The following SNX29 variants were observed in gnomAD, a reference collection of about 807,000 sequenced individuals.
SNX29 encodes sorting nexin 29, also known as sorting nexin-29.
In SNX29, 78 loss-of-function variants were observed where a neutral mutation model predicts 102.1. The ratio of observed to expected loss-of-function variants is 0.76; its 90% CI spans 0.64 to 0.92. SNX29 has a LOEUF of 0.92. Ranked by LOEUF, SNX29 falls within the 40% of genes least tolerant of loss-of-function variation. SNX29 has a pLI of 0.00. For synonymous variants in SNX29, 580 were observed against 414.5 expected (o/e 1.40, Z -4.85); for missense variants, 1,280 against 1,061.7 (o/e 1.21, Z -2.86).
intron 14 of SNX29, among the ~76,000 whole-genome samples, chr16:12,253,142 C>T (rs1037431537): frequency 6.6e-6 from 1 of 152,152 alleles, no homozygotes; most frequent in African/African-American, 2.4e-5. Context: ...CAGCATGTGC[C>T]AGGCAAGTGC....
At position 11,979,275 on chromosome 16, in the gene SNX29, CAAAAA is replaced by C. The variant is rs71139569; in HGVS notation, c.7+2482_7+2486del. 3.7e-3 allele frequency among the ~76,000 whole-genome samples: 228 copies of C among 61,992 alleles called. 1 individual carries two copies. The highest frequency in any genetic ancestry group is 0.016 in the African/African-American group (210 of 13,384). 40.7% of individuals were successfully genotyped at this position (61,992 alleles called of 152,430 possible). A position where few individuals can be genotyped will look rare whatever the true frequency, so the allele number is the denominator to read the frequency against. ...GGGCAACAGAGTGAGACTCAGTCTC[CAAAAA>C]AAAAAAAAAAAAAAAAAAATCGTTA... On this transcript the variant is annotated intron_variant, in intron 1 of 20. Coordinates refer to ENST00000566228, the MANE Select transcript of SNX29 (RefSeq NM_032167.5).
At chr16:12,384,120 G>C (rs1229115356) in intron 16 of SNX29, among the ~76,000 whole-genome samples, 1 of 152,174 alleles carries the variant, frequency 6.6e-6, no homozygotes, top group African/African-American at 2.4e-5. Context: ...CCATTCATCT[G>C]TTGGTGGACA....
chr16:12,274,540 C>T lies in SNX29; in HGVS notation c.1679-3393C>T, dbSNP rs552313861. Among the ~76,000 whole-genome samples the T allele has an allele frequency of 2.5e-3, 366 of 143,854 alleles. 4 individuals carry two copies. The highest frequency in any genetic ancestry group is 8.5e-3 in the African/African-American group (337 of 39,548). The allele number at this position is 143,854 out of a possible 152,430, so 94.4% of individuals were successfully genotyped here. A position where few individuals can be genotyped will look rare whatever the true frequency, so the allele number is the denominator to read the frequency against. ...TTGTAGTTCTCTATTCTCCCCACCTCTTTTTTTTTTTTTTGAGACAGAGTC... is the reference window on the plus strand; with the variant it reads ...TTGTAGTTCTCTATTCTCCCCACCTTTTTTTTTTTTTTTTGAGACAGAGTC... On this transcript the variant is annotated intron_variant, in intron 14 of 20. Transcript: ENST00000566228.
intron 3 of SNX29, among the ~76,000 whole-genome samples, chr16:12,022,185 A>G (rs1236210751): frequency 7.0e-6 from 1 of 141,906 alleles, no homozygotes; most frequent in Non-Finnish European, 1.5e-5. Context: ...TTTTTTTTCA[A>G]TTCAGTGATT....
At chr16:12,148,325 C>T (rs1448840339) in intron 13 of SNX29, among the ~76,000 whole-genome samples, 1 of 152,146 alleles carries the variant, frequency 6.6e-6, no homozygotes, top group Non-Finnish European at 1.5e-5. Context: ...GATAGGCTTG[C>T]CTTTGAGCAC....
intron 8 of SNX29, among the ~76,000 whole-genome samples, chr16:12,058,694 A>G (rs1057384271): frequency 6.7e-6 from 1 of 148,484 alleles, no homozygotes; most frequent in Non-Finnish European, 1.5e-5. Flanking sequence ...GGGTTTCACC[A>G]TGTTGGCCAG....
chr16:12,512,790 T>C (rs1313576485), intron 19 of SNX29, among the ~76,000 whole-genome samples: 1 of 152,154 alleles, frequency 6.6e-6, no homozygotes, highest in Non-Finnish European at 1.5e-5. Context: ...AAGAGATGTC[T>C]GCTTAGATGG....
intron 13 of SNX29, among the ~76,000 whole-genome samples, chr16:12,187,199 C>T (rs947823418): frequency 2.7e-4 from 41 of 152,208 alleles, no homozygotes; most frequent in African/African-American, 8.2e-4. Context: ...TGCCCCTGTG[C>T]ATGTCCCCTG....
chr16:12,393,539 A>G (rs184158254), intron 16 of SNX29, among the ~76,000 whole-genome samples: 12 of 151,602 alleles, frequency 7.9e-5, no homozygotes, highest in African/African-American at 2.2e-4. Context: ...CTGAGCTCAC[A>G]AGGAGGGTTC....
At chr16:12,318,668 A>G (rs1455532613) in intron 15 of SNX29, among the ~76,000 whole-genome samples, 1 of 152,112 alleles carries the variant, frequency 6.6e-6, no homozygotes, top group Non-Finnish European at 1.5e-5. Flanking sequence ...CTTATGGCCC[A>G]ATAACAAGAT....
At chr16:12,028,824 A>G (rs371525447) in intron 4 of SNX29, among the ~76,000 whole-genome samples, 4 of 151,034 alleles carry the variant, frequency 2.6e-5, no homozygotes, top group Admixed American at 1.3e-4. Context: ...TCTTGGCTCA[A>G]TGCAACCTCC....
chr16:12,531,953 C>T (rs1014897274), intron 20 of SNX29, among the ~76,000 whole-genome samples: 3 of 152,176 alleles, frequency 2.0e-5, no homozygotes, highest in African/African-American at 7.2e-5. Flanking sequence ...TTATAACCGT[C>T]CTGCTGAAAA....
intron 20 of SNX29, among the ~76,000 whole-genome samples, chr16:12,542,067 C>T (rs1036743552): frequency 2.0e-5 from 3 of 151,860 alleles, no homozygotes; most frequent in Non-Finnish European, 4.4e-5. Flanking sequence ...TCCTAGTCAC[C>T]AGTTAGTCCA....
intron 20 of SNX29, among the ~76,000 whole-genome samples, chr16:12,559,560 T>C (rs2078593315): frequency 1.3e-5 from 2 of 151,946 alleles, no homozygotes; most frequent in South Asian, 4.2e-4. Context: ...GTGGAAAATT[T>C]TTCTTATACA....
chr16:12,365,326 T>TTGTGTGTGTGTGTGTGTGTG (rs58869867), intron 16 of SNX29, among the ~76,000 whole-genome samples: 4 of 139,774 alleles, frequency 2.9e-5, no homozygotes, highest in Non-Finnish European at 4.6e-5. Context: ...ACATCAGGAT[T>TTGTGTGTGTGTGTGTGTGTG]TGTGTGTGTG....
intron 20 of SNX29, among the ~76,000 whole-genome samples, chr16:12,530,099 C>A (rs561653610): frequency 1.3e-5 from 2 of 152,358 alleles, no homozygotes; most frequent in Admixed American, 6.5e-5. Context: ...TTCCCCTTGG[C>A]CTGCTCTGCT....
intron 19 of SNX29, among the ~76,000 whole-genome samples, chr16:12,498,168 C>T (rs964598929): frequency 4.6e-5 from 7 of 152,138 alleles, no homozygotes; most frequent in Non-Finnish European, 8.8e-5. Context: ...GAGGAAACAG[C>T]ACTTCTGAGA....
At chr16:12,427,115 G>T (rs971885029) in intron 18 of SNX29, among the ~76,000 whole-genome samples, 1 of 152,068 alleles carries the variant, frequency 6.6e-6, no homozygotes, top group Non-Finnish European at 1.5e-5. Flanking sequence ...CATAGGAAAA[G>T]ACATGGAAAG....
chr16:12,302,292 G>C (rs553162710), intron 15 of SNX29, among the ~76,000 whole-genome samples: 3 of 152,296 alleles, frequency 2.0e-5, no homozygotes, highest in African/African-American at 7.2e-5. Context: ...GTAAAAGTCA[G>C]TTTCTACAGT....
Sources: allele counts gnomAD v4.1 joint callset (sites outside exome capture counted in the v4.1 genomes callset), GRCh38; gene constraint gnomAD v4.1.1; transcripts MANE v1.5; gene names NCBI Gene and HGNC (gene_info 2026-07-23, HGNC 2026-07-21).